Variants in TANC1 observed in about 807,000 individuals in gnomAD.
TANC1 encodes tetratricopeptide repeat, ankyrin repeat and coiled-coil containing 1.
In TANC1, 77 loss-of-function variants were observed where a neutral mutation model predicts 149.7. The observed-to-expected ratio is 0.51, with a 90% CI of 0.43 to 0.62. The LOEUF is 0.62. Among genes scored for constraint, TANC1 ranks in the 20% least tolerant of loss-of-function variants. TANC1 has a pLI of 0.00. For synonymous variants in TANC1, 854 were observed against 925.0 expected (o/e 0.92, Z 1.39); for missense variants, 1,985 against 2,321.8 (o/e 0.85, Z 2.98).
At chr2:159,130,632 C>T (rs1574861977) in intron 4 of TANC1, among the ~76,000 whole-genome samples, 1 of 152,300 alleles carries the variant, frequency 6.6e-6, no homozygotes, top group South Asian at 2.1e-4. Flanking sequence ...ACATCATGGG[C>T]TCCAGATGTC....
At chr2:159,227,641 C>T (rs2060095130) in intron 24 of TANC1, 178 bp from the exon 25 acceptor site, 1 of 636,480 alleles carries the variant, frequency 1.6e-6, no homozygotes, top group Non-Finnish European at 2.7e-6. Context: ...ACAGTGAAGC[C>T]CTCATGTGCC....
intron 3 of TANC1, among the ~76,000 whole-genome samples, chr2:159,085,956 GGA>G (rs1444865327): frequency 6.6e-6 from 1 of 152,212 alleles, no homozygotes; most frequent in Non-Finnish European, 1.5e-5. Flanking sequence ...TGAAGTTCGA[GGA>G]TAAGTGGCCT....
chr2:159,154,987 T>G (rs2053267468), intron 7 of TANC1, among the ~76,000 whole-genome samples: 1 of 152,206 alleles, frequency 6.6e-6, no homozygotes, highest in Admixed American at 6.5e-5. Flanking sequence ...TATGTCTTGC[T>G]TCCAACTGTT....
intron 8 of TANC1, 29 bp downstream of exon 8, chr2:159,163,575 T>A (rs2054270186): frequency 6.3e-7 from 1 of 1,597,714 alleles, no homozygotes; most frequent in Non-Finnish European, 8.5e-7. Flanking sequence ...CTGGAAGGAT[T>A]ATCTCAGGGA....
intron 19 of TANC1, among the ~76,000 whole-genome samples, chr2:159,202,033 C>T (rs2058284261): frequency 6.6e-6 from 1 of 152,218 alleles, no homozygotes; most frequent in Non-Finnish European, 1.5e-5. Context: ...GCTAGGAGAG[C>T]CTTGCAATTC....
At chr2:159,143,869 A>G (rs906186462) in intron 5 of TANC1, among the ~76,000 whole-genome samples, 2 of 152,134 alleles carry the variant, frequency 1.3e-5, no homozygotes, top group African/African-American at 4.8e-5. Context: ...CTATGTACCC[A>G]TAAGTTAAAA....
chr2:159,056,094 A>C, intron 2 of TANC1: 1 of 291,226 alleles, frequency 3.4e-6, no homozygotes, highest in Non-Finnish European at 6.9e-6. Context: ...CCAAAGCCTC[A>C]ACGGCACATG....
chr2:159,138,091 T>A (rs910241280), intron 5 of TANC1, among the ~76,000 whole-genome samples: 6 of 152,196 alleles, frequency 3.9e-5, no homozygotes, highest in Non-Finnish European at 8.8e-5. Flanking sequence ...GCAATTGGTC[T>A]TGCTGGAGTG....
intron 2 of TANC1, among the ~76,000 whole-genome samples, chr2:159,063,632 T>C (rs2042426189): frequency 6.6e-6 from 1 of 152,184 alleles, no homozygotes; most frequent in Non-Finnish European, 1.5e-5. Context: ...TTTAAGAATA[T>C]AAAATTTAAG....
At chr2:159,172,744 C>T (rs1028401980) in intron 11 of TANC1, among the ~76,000 whole-genome samples, 2 of 152,214 alleles carry the variant, frequency 1.3e-5, no homozygotes, top group African/African-American at 4.8e-5. Context: ...TTGTGATCAT[C>T]AAGGTCTTTC....
At chr2:159,227,513 C>T in intron 24 of TANC1, 3 of 319,424 alleles carry the variant, frequency 9.4e-6, no homozygotes, top group South Asian at 1.1e-4. Flanking sequence ...AAATACATAC[C>T]AGAAGGTAAT....
chr2:159,041,210 G>A (rs1036882966), intron 2 of TANC1, among the ~76,000 whole-genome samples: 2 of 152,288 alleles, frequency 1.3e-5, no homozygotes, highest in East Asian at 1.9e-4. Context: ...CTACTGGGAG[G>A]TGTCTGCCAG....
At chr2:159,218,933 T>G (rs1453133688) in intron 20 of TANC1, among the ~76,000 whole-genome samples, 1 of 152,222 alleles carries the variant, frequency 6.6e-6, no homozygotes, top group East Asian at 1.9e-4. Flanking sequence ...CCCCTGTGGC[T>G]GTCTTGTCCT....
chr2:159,136,486 C>T (rs541092816), intron 5 of TANC1, among the ~76,000 whole-genome samples, 188 bp downstream of exon 5: 15 of 152,082 alleles, frequency 9.9e-5, no homozygotes, highest in South Asian at 2.1e-4. Flanking sequence ...GTATACCTGG[C>T]GTATAAATAG....
intron 1 of TANC1, among the ~76,000 whole-genome samples, chr2:158,976,321 A>G (rs1360795901): frequency 6.6e-6 from 1 of 152,194 alleles, no homozygotes; most frequent in African/African-American, 2.4e-5. Flanking sequence ...GCCTGAGGGA[A>G]GACTGGGCCT....
intron 8 of TANC1, among the ~76,000 whole-genome samples, chr2:159,168,842 A>G (rs147135267): frequency 2.0e-5 from 3 of 152,284 alleles, no homozygotes; most frequent in Admixed American, 6.5e-5. Flanking sequence ...TTAATTAATA[A>G]GTTGGGAATT....
chr2:159,032,835 C>T (rs539357398), intron 2 of TANC1, among the ~76,000 whole-genome samples: 9 of 152,078 alleles, frequency 5.9e-5, no homozygotes, highest in Non-Finnish European at 1.2e-4. Context: ...ATTTTGGCAG[C>T]TTTGAAGACT....
chr2:159,092,451 A>G (rs1246519162), intron 3 of TANC1, among the ~76,000 whole-genome samples: 1 of 152,202 alleles, frequency 6.6e-6, no homozygotes, highest in Admixed American at 6.5e-5. Flanking sequence ...TATGAATTGA[A>G]ATCCCTTTTC....
chr2:159,042,656 C>T (rs2040739556), intron 2 of TANC1, among the ~76,000 whole-genome samples: 2 of 151,812 alleles, frequency 1.3e-5, no homozygotes, highest in African/African-American at 4.8e-5. Context: ...AAAGGGCTGG[C>T]AAGATTCCGT....
Sources: allele counts gnomAD v4.1 joint callset (sites outside exome capture counted in the v4.1 genomes callset), GRCh38; gene constraint gnomAD v4.1.1; transcripts MANE v1.5; gene names NCBI Gene and HGNC (gene_info 2026-07-23, HGNC 2026-07-21).